The following VRK2 variants were observed in gnomAD, a reference collection of about 807,000 sequenced individuals.
VRK2 encodes serine/threonine-protein kinase VRK2.
VRK2 carries 60 observed loss-of-function variants against 57.6 expected under a neutral mutation model. That is an observed-to-expected ratio of 1.04 (90% CI 0.85 to 1.29). VRK2 has a LOEUF of 1.29. VRK2 is among the 50% of genes most tolerant of loss of function. The pLI, the probability that VRK2 is intolerant of heterozygous loss-of-function variation, is 0.00. For synonymous variants in VRK2, 231 were observed against 199.2 expected (o/e 1.16, Z -1.35); for missense variants, 705 against 588.1 (o/e 1.20, Z -2.06).
intron 7 of VRK2, among the ~76,000 whole-genome samples, chr2:58,090,105 AAG>A (rs1672160300): frequency 1.3e-5 from 2 of 150,198 alleles, no homozygotes; most frequent in African/African-American, 4.9e-5. Flanking sequence ...ATTAAGTTTT[AAG>A]CAGAGAGGCC....
chr2:58,123,076 T>C, intron 7 of VRK2, 25 bp from the exon 8 acceptor site: 1 of 1,587,276 alleles, frequency 6.3e-7, no homozygotes, highest in Admixed American at 1.9e-5. Flanking sequence ...AAGGCATTAT[T>C]CATTTGTCTG....
intron 1 of VRK2, among the ~76,000 whole-genome samples, chr2:57,973,061 G>A (rs535112109): frequency 1.3e-5 from 2 of 151,950 alleles, no homozygotes; most frequent in African/African-American, 4.8e-5. Context: ...CTGGGTCAAA[G>A]TGTAAATGCT....
intron 8 of VRK2, among the ~76,000 whole-genome samples, chr2:58,130,910 TTA>T (rs1290916960): frequency 6.6e-6 from 1 of 152,184 alleles, no homozygotes; most frequent in Non-Finnish European, 1.5e-5. Flanking sequence ...TATGTATCAG[TTA>T]TATTTCATAC....
chr2:57,937,911 AACCTCC>A (rs1048225226), intron 1 of VRK2, among the ~76,000 whole-genome samples: 1 of 143,672 alleles, frequency 7.0e-6, no homozygotes, highest in Non-Finnish European at 1.5e-5. Context: ...GGCTCACTGC[AACCTCC>A]ACCTCCTGGG....
intron 1 of VRK2, among the ~76,000 whole-genome samples, chr2:57,931,672 T>C (rs1670729127): frequency 6.6e-6 from 1 of 152,190 alleles, no homozygotes; most frequent in Non-Finnish European, 1.5e-5. Flanking sequence ...TGGTATCATA[T>C]CCAAAAAATT....
At chr2:58,119,961 T>C (rs1000086118) in intron 7 of VRK2, among the ~76,000 whole-genome samples, 2 of 151,828 alleles carry the variant, frequency 1.3e-5, no homozygotes, top group African/African-American at 4.8e-5. Context: ...GAATCCTACC[T>C]GTAACTTCCT....
chr2:58,047,076 C>T (rs982024540), intron 1 of VRK2: 1 of 716,860 alleles, frequency 1.4e-6, no homozygotes, highest in Non-Finnish European at 1.7e-6. Flanking sequence ...GAGAACAAGG[C>T]GTCCCCTTCT....
chr2:58,102,189 T>C (rs1368495309), intron 7 of VRK2, among the ~76,000 whole-genome samples: 3 of 151,480 alleles, frequency 2.0e-5, no homozygotes, highest in African/African-American at 7.3e-5. Context: ...CTGCTGTGGG[T>C]TGAATTGTAC....
At chr2:58,155,397 A>G (rs1426178921) in intron 12 of VRK2, among the ~76,000 whole-genome samples, 2 of 152,122 alleles carry the variant, frequency 1.3e-5, no homozygotes, top group Non-Finnish European at 2.9e-5. Context: ...TACGGTCTCT[A>G]CAGTGTCTGG....
At chr2:58,086,474 A>G (rs751983886) in intron 5 of VRK2, 48 bp downstream of exon 5, 14 of 1,478,714 alleles carry the variant, frequency 9.5e-6, no homozygotes, top group African/African-American at 2.9e-5. Flanking sequence ...ACTATTCCTT[A>G]TGTGGTCTAT....
chr2:58,088,474 A>G (rs376179815), intron 6 of VRK2, 28 bp downstream of exon 6: 3 of 1,482,680 alleles, frequency 2.0e-6, no homozygotes, highest in Admixed American at 1.7e-5. Flanking sequence ...CGCATGCTCC[A>G]TTTCCAAATT....
At chr2:58,117,960 G>A (rs1434212620) in intron 7 of VRK2, among the ~76,000 whole-genome samples, 1 of 152,094 alleles carries the variant, frequency 6.6e-6, no homozygotes, top group Admixed American at 6.5e-5. Flanking sequence ...AGAAAGGGTT[G>A]GGGCATGGAA....
rs1215047605 is a variant in VRK2, at chr2:57,964,485, G to C, written c.-439+56646G>C. 2.6e-5 allele frequency among the ~76,000 whole-genome samples: 4 copies of C among 152,072 alleles called. No homozygotes were observed. In the East Asian group the frequency reaches 7.7e-4, roughly 29 times the overall value. ...AGGTAGAAGGGAGACAGGAAAGGCA[G>C]GCACACTCACAGCAATTTGTATTGA... On this transcript the variant is annotated intron_variant, in intron 1 of 15. Coordinates refer to the VRK2 transcript ENST00000417641.
At chr2:58,074,980 A>G (rs935235568) in intron 2 of VRK2, among the ~76,000 whole-genome samples, 6 of 152,028 alleles carry the variant, frequency 3.9e-5, no homozygotes, top group Non-Finnish European at 7.4e-5. Context: ...AGTTTGGTAT[A>G]CGGATAATTT....
chr2:58,067,834 C>T (rs910355884), intron 2 of VRK2, among the ~76,000 whole-genome samples: 4 of 152,060 alleles, frequency 2.6e-5, no homozygotes, highest in African/African-American at 9.7e-5. Flanking sequence ...TTTTCTCTTC[C>T]TTTATTCCTA....
chr2:57,931,991 T>C lies in VRK2; in HGVS notation c.-439+24152T>C, dbSNP rs1670743871. On this transcript the variant is annotated intron_variant, in intron 1 of 15. Transcript: ENST00000417641. Reference sequence around the variant, plus strand: ...GCATTGATCTATACGTCTGTTTTTATGGCAGTACCATGCTGCTTTGATTAC... The same window carrying C: ...GCATTGATCTATACGTCTGTTTTTACGGCAGTACCATGCTGCTTTGATTAC... Among the ~76,000 whole-genome samples, 3 of 152,158 alleles carry C rather than the reference T, an allele frequency of 2.0e-5. No individual in the cohort carries two copies. In the South Asian group the frequency reaches 6.2e-4, roughly 32 times the overall value.
At chr2:57,983,841 T>A (rs1345468511) in intron 1 of VRK2, among the ~76,000 whole-genome samples, 1 of 152,238 alleles carries the variant, frequency 6.6e-6, no homozygotes, top group Non-Finnish European at 1.5e-5. Context: ...AAATAGTTGA[T>A]GAAATAATTG....
intron 2 of VRK2, among the ~76,000 whole-genome samples, chr2:58,067,612 T>C (rs1668778727): frequency 6.6e-6 from 1 of 152,086 alleles, no homozygotes; most frequent in Admixed American, 6.6e-5. Context: ...CATTGACTTC[T>C]GGTTATTTTC....
intron 1 of VRK2, among the ~76,000 whole-genome samples, chr2:58,007,526 A>G (rs1291757834): frequency 6.6e-6 from 1 of 152,204 alleles, no homozygotes; most frequent in East Asian, 1.9e-4. Context: ...CATAATAAAT[A>G]CTAAATATAT....
Sources: gnomAD v4.1 joint callset for allele counts (sites outside exome capture counted in the v4.1 genomes callset) on GRCh38, gnomAD v4.1.1 for gene constraint, MANE v1.5 for transcripts, NCBI Gene and HGNC (gene_info 2026-07-23, HGNC 2026-07-21) for gene names.